Variants in MIA3 observed in about 807,000 individuals in gnomAD.
MIA3 encodes MIA SH3 domain ER export factor 3, also known as transport and Golgi organization protein 1 homolog.
In MIA3, 90 loss-of-function variants were observed where a neutral mutation model predicts 192.4. The ratio of observed to expected loss-of-function variants is 0.47; its 90% CI spans 0.39 to 0.56. The LOEUF (loss-of-function observed/expected upper bound fraction) is 0.56. Ranked by LOEUF, MIA3 falls within the 20% of genes least tolerant of loss-of-function variation. The pLI, the probability that MIA3 is intolerant of heterozygous loss-of-function variation, is 0.00. For synonymous variants in MIA3, 740 were observed against 792.8 expected (o/e 0.93, Z 1.12); for missense variants, 2,123 against 2,269.4 (o/e 0.94, Z 1.31).
At chr1:222,638,267 T>G (rs746591621) in intron 6 of MIA3, among the ~76,000 whole-genome samples, 4 of 152,204 alleles carry the variant, frequency 2.6e-5, no homozygotes, top group African/African-American at 7.2e-5. Context: ...GTCTGTTCTC[T>G]TCACAATATA....
Position 222,633,153 on chromosome 1 carries a change from G to T in MIA3, c.3381G>T (p.Lys1127Asn). The T allele has an allele frequency of 6.2e-7, 1 of 1,613,962 alleles. No homozygotes were observed. Among genetic ancestry groups the T allele is most frequent in the South Asian group, 1.1e-5 (1 of 91,010 alleles). Reference sequence around the variant, plus strand: ...CTATGGATGCTATTGATGCAAACAAGCAACCAGAGACAGCCGCCGAAGAGC... The same window carrying T: ...CTATGGATGCTATTGATGCAAACAATCAACCAGAGACAGCCGCCGAAGAGC... ...DTPMDAIDAN[K>N]QPETAAEEPA... The change falls in exon 6 of 28, where the codon AAG becomes AAT. Residue 1127 changes from lysine to asparagine, a missense_variant. By Grantham distance (94) the Lys-to-Asn change is moderately conservative. This residue lies in a region of MIA3 where 1,357 missense variants were observed against 1,396.1 expected (regional missense o/e 0.97). Transcript: ENST00000344922.
chr1:222,638,816 G>T (rs1662738933), intron 6 of MIA3, among the ~76,000 whole-genome samples: 2 of 152,008 alleles, frequency 1.3e-5, no homozygotes, highest in East Asian at 1.9e-4. Flanking sequence ...AAAAGGAAAG[G>T]TCTCAAATAA....
At chr1:222,622,897 G>C (rs929096252) in intron 2 of MIA3, among the ~76,000 whole-genome samples, 2 of 152,188 alleles carry the variant, frequency 1.3e-5, no homozygotes, top group African/African-American at 4.8e-5. Flanking sequence ...GCTGCCTTCA[G>C]CACCCAGCCA....
Position 222,654,483 on chromosome 1 carries a change from G to T in MIA3, c.4468+4G>T. ...TCCACTAAATGTAACCTGGAAGGTA[G>T]GTTGCTTCTTGAGAAGAAATTGCTA... On this transcript the variant is annotated splice_donor_region_variant and intron_variant, in intron 17 of 27. Transcript: ENST00000344922. The T allele has an allele frequency of 6.2e-7, 1 of 1,610,606 alleles. No individual in the cohort carries two copies. The highest frequency in any genetic ancestry group is 8.5e-7 in the Non-Finnish European group (1 of 1,177,662).
At chr1:222,658,643 T>G in intron 18 of MIA3, 79 bp from the exon 19 acceptor site, 7 of 933,628 alleles carry the variant, frequency 7.5e-6, no homozygotes, top group Non-Finnish European at 1.1e-5. Flanking sequence ...GGATAGGAAG[T>G]GAGATTTTAT....
intron 7 of MIA3, among the ~76,000 whole-genome samples, chr1:222,648,582 T>C (rs1021942600): frequency 6.6e-6 from 1 of 152,238 alleles, no homozygotes; most frequent in African/African-American, 2.4e-5. Flanking sequence ...TATAAACATA[T>C]CTTTAGCTGT....
Position 222,628,963 on chromosome 1 carries a change from A to C in MIA3, c.1743A>C (p.Pro581=). ...KIQQESLGSA[P]LMGDDHPNAS... Reference sequence around the variant, plus strand: ...AACAGGAATCCCTGGGTAGTGCACCACTCATGGGAGATGACCACCCTAACG... The same window carrying C: ...AACAGGAATCCCTGGGTAGTGCACCCCTCATGGGAGATGACCACCCTAACG... The change falls in exon 4 of 28, where the codon CCA becomes CCC. Residue 581 remains proline, a synonymous_variant. Coordinates refer to ENST00000344922, the MANE Select transcript of MIA3 (RefSeq NM_198551.4). The C allele has an allele frequency of 6.2e-7, 1 of 1,614,148 alleles. No homozygotes were observed. Among genetic ancestry groups the C allele is most frequent in the South Asian group, 1.1e-5 (1 of 91,088 alleles).
intron 20 of MIA3, 23 bp downstream of exon 20, chr1:222,659,536 A>G: frequency 6.2e-7 from 1 of 1,612,148 alleles, no homozygotes; most frequent in South Asian, 1.1e-5. Context: ...GTGCCCTACT[A>G]TATAGTGCCC....
intron 6 of MIA3, among the ~76,000 whole-genome samples, chr1:222,634,577 T>C (rs892779868): frequency 7.2e-5 from 11 of 152,196 alleles, no homozygotes; most frequent in Non-Finnish European, 1.5e-4. Flanking sequence ...TAGAAGCTTA[T>C]CTAGGCTTTT....
At chr1:222,630,617 A>G (rs1412763782) in intron 4 of MIA3, among the ~76,000 whole-genome samples, 1 of 152,244 alleles carries the variant, frequency 6.6e-6, no homozygotes, top group African/African-American at 2.4e-5. Context: ...AGCATTTTCA[A>G]AAGGAAACTT....
chr1:222,633,055 G>T, intron 5 of MIA3, 49 bp from the exon 6 acceptor site: 1 of 1,535,406 alleles, frequency 6.5e-7, no homozygotes, highest in Non-Finnish European at 8.8e-7. Flanking sequence ...TTTTTAAAGA[G>T]AATTCTTATT....
At chr1:222,664,285 C>A in intron 27 of MIA3, 137 bp downstream of exon 27, 1 of 861,872 alleles carries the variant, frequency 1.2e-6, no homozygotes, top group Non-Finnish European at 1.8e-6. Context: ...AACTTTTCCC[C>A]AAGTTTCTTC....
chr1:222,643,805 TAACTC>T (rs944583625), intron 6 of MIA3, among the ~76,000 whole-genome samples: 2 of 151,418 alleles, frequency 1.3e-5, no homozygotes, highest in African/African-American at 4.9e-5. Flanking sequence ...GTGGGACCCA[TAACTC>T]AACCCATGTG....
chr1:222,651,420 G>C (rs1192769070), intron 11 of MIA3, among the ~76,000 whole-genome samples: 1 of 150,954 alleles, frequency 6.6e-6, no homozygotes, highest in Non-Finnish European at 1.5e-5. Context: ...CTCTTTGGAA[G>C]GAAGTTACTA....
intron 13 of MIA3, among the ~76,000 whole-genome samples, 180 bp from the exon 14 acceptor site, chr1:222,652,828 G>A (rs1369926289): frequency 6.6e-6 from 1 of 152,208 alleles, no homozygotes; most frequent in Non-Finnish European, 1.5e-5. Context: ...TAGCTCTGAT[G>A]TTCTCACTAC....
Position 222,652,001 on chromosome 1 carries a change from G to C in MIA3, c.3934G>C (p.Glu1312Gln), listed in dbSNP as rs759635733. 1.3e-6 allele frequency: 2 copies of C among 1,577,648 alleles called. No homozygotes were observed. The highest frequency in any genetic ancestry group is 1.7e-6 in the Non-Finnish European group (2 of 1,147,374). The change falls in exon 12 of 28, where the codon GAG (glutamate) becomes CAG (glutamine). Residue 1312 changes from glutamate to glutamine, a missense_variant. Around this residue, in one of 3 missense-constraint regions of MIA3, gnomAD observed 762 missense variants for 856.4 expected, o/e 0.89. Transcript: ENST00000344922. ...GATATCAGAAAACAAGAAATCTATA[G>C]AGAAGTTAAAGGATGTTATTTCAAT... is the stretch of plus-strand genomic sequence containing the variant. ...DLISENKKSI[E>Q]KLKDVISMNA...
At chr1:222,653,468 G>C in intron 15 of MIA3, 129 bp downstream of exon 15, 1 of 648,252 alleles carries the variant, frequency 1.5e-6, no homozygotes, top group Non-Finnish European at 2.8e-6. Flanking sequence ...TTGAATGTGT[G>C]TCTGTTTGCA....
chr1:222,618,714 G>A (rs770355477), intron 1 of MIA3, among the ~76,000 whole-genome samples: 1 of 151,960 alleles, frequency 6.6e-6, no homozygotes, highest in Non-Finnish European at 1.5e-5. Flanking sequence ...GCATCACCCC[G>A]GCAGATGCGC....
At chr1:222,644,609 A>G (rs1298354976) in intron 6 of MIA3, 2 of 1,550,138 alleles carry the variant, frequency 1.3e-6, no homozygotes, top group East Asian at 2.4e-5. Context: ...ATTCCCGGGG[A>G]GGGACCCAAG....
Sources: allele counts gnomAD v4.1 joint callset (sites outside exome capture counted in the v4.1 genomes callset), GRCh38; gene constraint gnomAD v4.1.1; regional missense constraint gnomAD v4.1.1; transcripts MANE v1.5; gene names NCBI Gene and HGNC (gene_info 2026-07-23, HGNC 2026-07-21).